The following LRRTM4 variants were observed in gnomAD, a reference collection of about 807,000 sequenced individuals.
LRRTM4 encodes leucine-rich repeat transmembrane neuronal protein 4.
In LRRTM4, 25 loss-of-function variants were observed where a neutral mutation model predicts 47.6. The ratio of observed to expected loss-of-function variants is 0.53; its 90% CI spans 0.38 to 0.73. The LOEUF (loss-of-function observed/expected upper bound fraction) is 0.73, where lower values mean the gene tolerates loss of function less well. Ranked by LOEUF, LRRTM4 falls within the 30% of genes least tolerant of loss-of-function variation. The probability of loss-of-function intolerance (pLI) is 0.00; values close to 1 mark genes in which losing one functional copy is unlikely to be tolerated. For missense variants in LRRTM4, 638 were observed against 713.4 expected, an observed-to-expected ratio of 0.89 and a Z score of 1.20; for synonymous variants, 311 against 269.5, an observed-to-expected ratio of 1.15 and a Z score of -1.51.
chr2:77,519,538 G>T lies in LRRTM4; in HGVS notation c.331C>A (p.Leu111Met). Reference sequence around the variant, plus strand: ...TTGGAGCTTAGAATTAATTCTTTCAGTCTACGGATCCCTTGAAATGCATCT... The same window carrying T: ...TTGGAGCTTAGAATTAATTCTTTCATTCTACGGATCCCTTGAAATGCATCT... ...DEDAFQGIRR[L>M]KELILSSNKI... Residue 111 changes from leucine (L) to methionine (M), a missense_variant, in exon 3 of 4, where the codon CTG becomes ATG. Coordinates refer to ENST00000409884, the MANE Select transcript of LRRTM4 (RefSeq NM_001134745.3). This position sits in a 1 kb window ranked among gnomAD's most constrained non-coding sequence, Gnocchi z 4.6. The T allele has an allele frequency of 1.2e-6, 2 of 1,613,442 alleles. No homozygotes were observed. The highest frequency in any genetic ancestry group is 1.7e-6 in the Non-Finnish European group (2 of 1,179,630).
At chr2:76,851,565 A>G (rs1251387627) in intron 3 of LRRTM4, among the ~76,000 whole-genome samples, 1 of 147,346 alleles carries the variant, frequency 6.8e-6, no homozygotes, top group Non-Finnish European at 1.5e-5. Context: ...CTTAGAAATC[A>G]TGGAGACTAT....
chr2:76,806,567 G>A (rs533016283), intron 3 of LRRTM4, among the ~76,000 whole-genome samples: 2 of 151,164 alleles, frequency 1.3e-5, no homozygotes, highest in East Asian at 3.9e-4. Context: ...GACAACAAGA[G>A]GAAAACCCCG....
chr2:76,955,724 C>G (rs1239918307), intron 3 of LRRTM4, among the ~76,000 whole-genome samples: 2 of 151,686 alleles, frequency 1.3e-5, no homozygotes, highest in African/African-American at 4.8e-5. Flanking sequence ...GATGCAGGAT[C>G]TCACCTTTCA....
chr2:77,421,253 G>A (rs1048643102), intron 3 of LRRTM4, among the ~76,000 whole-genome samples: 1 of 152,090 alleles, frequency 6.6e-6, no homozygotes, highest in Non-Finnish European at 1.5e-5. Flanking sequence ...AACTGATAAA[G>A]GAAAAGAATC....
chr2:77,317,222 C>G (rs1677644461), intron 3 of LRRTM4, among the ~76,000 whole-genome samples: 1 of 152,022 alleles, frequency 6.6e-6, no homozygotes, highest in Non-Finnish European at 1.5e-5. Flanking sequence ...TAACATATGA[C>G]AAATATTAAG....
At chr2:77,045,754 ATTTT>A (rs1049262045) in intron 3 of LRRTM4, among the ~76,000 whole-genome samples, 2 of 151,638 alleles carry the variant, frequency 1.3e-5, no homozygotes, top group Non-Finnish European at 2.9e-5. Context: ...AGTCCAATTA[ATTTT>A]TTTTCTTTTG....
At position 77,307,647 on chromosome 2, in the gene LRRTM4, TC is replaced by T. The variant is rs1677323541; in HGVS notation, c.1551+210670del. Reference sequence around the variant, plus strand: ...ATAGAAATATAAATATATAGATATATCTATATATTATAGAAATATAAATATA... The same window carrying T: ...ATAGAAATATAAATATATAGATATATTATATATTATAGAAATATAAATATA... On this transcript the variant is annotated intron_variant, in intron 3 of 3. Coordinates refer to ENST00000409884, the MANE Select transcript of LRRTM4 (RefSeq NM_001134745.3). Among the ~76,000 whole-genome samples, 14 of 50,424 alleles carry T rather than the reference TC, an allele frequency of 2.8e-4. No individual in the cohort carries two copies. The African/African-American group carries it at 2.8e-3, about 10-fold the overall frequency. 33.1% of individuals were successfully genotyped at this position (50,424 alleles called of 152,430 possible).
intron 3 of LRRTM4, among the ~76,000 whole-genome samples, chr2:77,454,419 AT>A (rs1367851216): frequency 6.6e-6 from 1 of 152,056 alleles, no homozygotes; most frequent in Non-Finnish European, 1.5e-5. Flanking sequence ...TCTTTACCGC[AT>A]TTCTTATAGC....
At chr2:77,369,792 T>A (rs61429383) in intron 3 of LRRTM4, among the ~76,000 whole-genome samples, 5 of 151,620 alleles carry the variant, frequency 3.3e-5, no homozygotes, top group East Asian at 3.9e-4. Flanking sequence ...TTACAGCCTC[T>A]TACTATACTG....
intron 3 of LRRTM4, among the ~76,000 whole-genome samples, chr2:77,293,622 T>A (rs564049444): frequency 6.6e-6 from 1 of 152,128 alleles, no homozygotes; most frequent in African/African-American, 2.4e-5. Context: ...CGAACATACA[T>A]ATTTTTGTGA....
chr2:77,031,733 T>C (rs1157253105), intron 3 of LRRTM4, among the ~76,000 whole-genome samples: 2 of 151,932 alleles, frequency 1.3e-5, no homozygotes, highest in Non-Finnish European at 2.9e-5. Flanking sequence ...AACTATATCT[T>C]TGTGTGTGCG....
chr2:77,428,033 G>A (rs898033509), intron 3 of LRRTM4, among the ~76,000 whole-genome samples: 25 of 152,156 alleles, frequency 1.6e-4, no homozygotes, highest in African/African-American at 6.0e-4. Flanking sequence ...GTTCTTGTGA[G>A]AGTGAGTGAG....
intron 3 of LRRTM4, among the ~76,000 whole-genome samples, chr2:76,939,760 T>C (rs1321092053): frequency 6.6e-6 from 1 of 152,114 alleles, no homozygotes; most frequent in African/African-American, 2.4e-5. Flanking sequence ...GATATCCTTT[T>C]GGCAATATTA....
At chr2:76,754,959 A>G (rs1672976803) in intron 3 of LRRTM4, among the ~76,000 whole-genome samples, 1 of 152,188 alleles carries the variant, frequency 6.6e-6, no homozygotes, top group Non-Finnish European at 1.5e-5. Context: ...AGATATGTAG[A>G]ATTGCTCAGC....
chr2:77,008,951 A>C (rs1299281307), intron 3 of LRRTM4: 1 of 107,418 alleles, frequency 9.3e-6, no homozygotes, highest in Admixed American at 9.1e-5. Flanking sequence ...AAAAAAGAAA[A>C]GAAAAAAAAA....
intron 3 of LRRTM4, among the ~76,000 whole-genome samples, chr2:76,900,974 GGAGT>G (rs1336319019): frequency 2.0e-5 from 3 of 151,934 alleles, no homozygotes; most frequent in South Asian, 2.1e-4. Context: ...CTCTTTTTTT[GGAGT>G]AAGTAAATTC....
At chr2:77,371,642 G>A (rs977502688) in intron 3 of LRRTM4, among the ~76,000 whole-genome samples, 2 of 151,312 alleles carry the variant, frequency 1.3e-5, no homozygotes, top group Non-Finnish European at 3.0e-5. Context: ...GCTTTACTCC[G>A]GTTTTTGGGG....
chr2:77,059,070 G>C (rs1315667227), intron 3 of LRRTM4, among the ~76,000 whole-genome samples: 1 of 151,818 alleles, frequency 6.6e-6, no homozygotes, highest in African/African-American at 2.4e-5. Flanking sequence ...TTCTTCCTTC[G>C]CTAAACTTTG....
intron 3 of LRRTM4, among the ~76,000 whole-genome samples, chr2:77,502,880 C>T (rs918963424): frequency 1.5e-4 from 22 of 151,392 alleles, no homozygotes; most frequent in Admixed American, 1.4e-3. Flanking sequence ...GAATAGTAAT[C>T]TAGGGCCAGA....
Sources: gnomAD v4.1 joint callset for allele counts (sites outside exome capture counted in the v4.1 genomes callset) on GRCh38, gnomAD v4.1.1 for gene constraint, Gnocchi (gnomAD v3.1) non-coding constraint, MANE v1.5 for transcripts, NCBI Gene and HGNC (gene_info 2026-07-23, HGNC 2026-07-21) for gene names.